AAMDC: variants seen among roughly 807,000 people sequenced by gnomAD.
The protein encoded by AAMDC is mth938 domain-containing protein.
In AAMDC, 16 loss-of-function variants were observed where a neutral mutation model predicts 15.5. That is an observed-to-expected ratio of 1.03 (90% CI 0.70 to 1.57). The LOEUF is 1.57. Among genes scored for constraint, AAMDC ranks in the 40% most tolerant of loss-of-function variants. AAMDC has a pLI of 0.00. For synonymous variants in AAMDC, 51 were observed against 51.6 expected, an observed-to-expected ratio of 0.99 and a Z score of 0.05; for missense variants, 141 against 144.9, an observed-to-expected ratio of 0.97 and a Z score of 0.14.
chr11:77,842,612 G>A lies in AAMDC; in HGVS notation c.116G>A (p.Arg39Lys). 4 of 1,613,928 alleles carry A rather than the reference G, an allele frequency of 2.5e-6. No homozygotes were observed. Among genetic ancestry groups the A allele is most frequent in the Non-Finnish European group, 3.4e-6 (4 of 1,179,922 alleles). Residue 39 changes from arginine (R) to lysine (K), a missense_variant, in exon 2 of 4, where the codon AGA becomes AAA. Arg to Lys is a conservative substitution (Grantham distance 26). Coordinates refer to ENST00000393427, the MANE Select transcript of AAMDC (RefSeq NM_024684.4). ...WPGGSRTWDW[R>K]ETGTEHSPGV... ...GGGGGTAGTCGGACTTGGGATTGGA[G>A]AGAAACAGGAACTGAGGTAAGATAT...
chr11:77,829,025 G>C (rs1949302688), intron 1 of AAMDC, among the ~76,000 whole-genome samples: 1 of 152,216 alleles, frequency 6.6e-6, no homozygotes, highest in African/African-American at 2.4e-5. Context: ...GCATATGACA[G>C]ACTGTGTCTC....
At chr11:77,835,287 G>A (rs987802927) in intron 1 of AAMDC, among the ~76,000 whole-genome samples, 2 of 152,246 alleles carry the variant, frequency 1.3e-5, no homozygotes, top group South Asian at 2.1e-4. Flanking sequence ...ACATGGATGT[G>A]ATCGCCAGAG....
chr11:77,846,827 A>G (rs1016636373), intron 2 of AAMDC, among the ~76,000 whole-genome samples: 1 of 152,272 alleles, frequency 6.6e-6, no homozygotes, highest in Middle Eastern at 3.4e-3. Context: ...TTGTATTCTA[A>G]GTTGACAATT....
chr11:77,828,004 T>G (rs981025942), intron 1 of AAMDC, among the ~76,000 whole-genome samples: 3 of 152,188 alleles, frequency 2.0e-5, no homozygotes, highest in East Asian at 3.8e-4. Context: ...CCAGGCACAG[T>G]GGCTCCTGCC....
chr11:77,847,599 C>G (rs913059671), intron 2 of AAMDC, among the ~76,000 whole-genome samples: 47 of 152,228 alleles, frequency 3.1e-4, no homozygotes, highest in African/African-American at 6.0e-4. Context: ...GAATAAGAAG[C>G]CTTAAATCAT....
At chr11:77,878,604 T>C (rs1197830660) in intron 5 of AAMDC, 1 of 575,770 alleles carries the variant, frequency 1.7e-6, no homozygotes, top group African/African-American at 1.9e-5. Flanking sequence ...TAACCAGTTA[T>C]CAGGAGGTAA....
rs544348261 is a variant in AAMDC at position 77,888,922 on chromosome 11, T to A, written c.329-11649T>A. On this transcript the variant is annotated intron_variant, in intron 5 of 5. Coordinates refer to the AAMDC transcript ENST00000304716. ...ATGGCTATCATTAAAAAGTCAGGAA[T>A]CAACACGTGCTGGAGAGGATGTGGA... Among the ~76,000 whole-genome samples, 685 of 152,170 alleles carry A rather than the reference T, an allele frequency of 4.5e-3. 2 individuals carry two copies. Among genetic ancestry groups the A allele is most frequent in the Non-Finnish European group, 7.7e-3 (524 of 68,016 alleles).
intron 5 of AAMDC, among the ~76,000 whole-genome samples, chr11:77,879,871 C>G (rs1042264119): frequency 1.3e-5 from 2 of 152,034 alleles, no homozygotes; most frequent in Non-Finnish European, 2.9e-5. Flanking sequence ...CATTCTATGC[C>G]AAACAGTTAA....
intron 1 of AAMDC, chr11:77,841,138 C>G: frequency 1.4e-6 from 1 of 696,438 alleles, no homozygotes; most frequent in South Asian, 1.5e-5. Flanking sequence ...CCATACTTGT[C>G]CTTTTATAAT....
At chr11:77,831,692 A>T (rs1239263150) in intron 1 of AAMDC, among the ~76,000 whole-genome samples, 11 of 142,474 alleles carry the variant, frequency 7.7e-5, no homozygotes, top group Admixed American at 3.0e-4. Context: ...TTACTTAGGT[A>T]TCTTTTTTTT....
chr11:77,850,980 G>T (rs1290487544), intron 2 of AAMDC: 1 of 127,712 alleles, frequency 7.8e-6, no homozygotes, highest in Non-Finnish European at 1.6e-5. Context: ...TTTTGAGATG[G>T]AGTCTCGCTC....
downstream of AAMDC, chr11:77,900,782 G>A (rs1952755843): frequency 3.4e-6 from 2 of 591,858 alleles, no homozygotes; most frequent in Admixed American, 3.0e-5. Context: ...AATGAAATGT[G>A]GCAATTCCAG....
At chr11:77,880,559 G>A (rs1478892751) in intron 5 of AAMDC, among the ~76,000 whole-genome samples, 1 of 152,138 alleles carries the variant, frequency 6.6e-6, no homozygotes, top group Non-Finnish European at 1.5e-5. Flanking sequence ...ACTTAGGGTG[G>A]AATCAAAATA....
intron 1 of AAMDC, among the ~76,000 whole-genome samples, chr11:77,825,521 A>G (rs2136036099): frequency 6.6e-6 from 1 of 152,106 alleles, no homozygotes; most frequent in Middle Eastern, 3.4e-3. Context: ...AGGAATCTCT[A>G]CTCTTTGAGA....
intron 5 of AAMDC, among the ~76,000 whole-genome samples, chr11:77,883,576 C>T (rs1013527114): frequency 1.6e-4 from 25 of 152,088 alleles, no homozygotes; most frequent in Non-Finnish European, 1.5e-5. Flanking sequence ...TTCCATGAGA[C>T]TCCATTCTAT....
chr11:77,826,281 G>T, intron 1 of AAMDC, among the ~76,000 whole-genome samples: 1 of 151,744 alleles, frequency 6.6e-6, no homozygotes, highest in East Asian at 1.9e-4. Context: ...AGAATCACTT[G>T]AACCCAGGAG....
At chr11:77,881,201 T>C (rs1178754582) in intron 5 of AAMDC, among the ~76,000 whole-genome samples, 1 of 152,224 alleles carries the variant, frequency 6.6e-6, no homozygotes, top group Non-Finnish European at 1.5e-5. Context: ...AGGTTTATAT[T>C]CTTATTCTCA....
At chr11:77,832,951 ATGTGTGTGTG>A (rs146936151) in intron 1 of AAMDC, among the ~76,000 whole-genome samples, 4,326 of 68,240 alleles carry the variant, frequency 0.063, 514 homozygotes, top group African/African-American at 0.18. Flanking sequence ...GTATATATAT[ATGTGTGTGTG>A]TGTGTGTGTG....
rs1363678618 is a variant in AAMDC, at chr11:77,872,158, C to G, written c.229-17C>G. ...GGCCTTTCCCCCTACTTACTCATCT[C>G]TTTTCCACCTTCCCAGGTGCCTTCA... On this transcript the variant is annotated splice_polypyrimidine_tract_variant and intron_variant, in intron 3 of 3. Coordinates refer to ENST00000393427, the MANE Select transcript of AAMDC (RefSeq NM_024684.4). 2 of 1,609,278 alleles carry G rather than the reference C, an allele frequency of 1.2e-6. No homozygotes were observed. Among genetic ancestry groups the G allele is most frequent in the Non-Finnish European group, 1.7e-6 (2 of 1,178,054 alleles).
Sources: gnomAD v4.1 joint callset for allele counts (sites outside exome capture counted in the v4.1 genomes callset) on GRCh38, gnomAD v4.1.1 for gene constraint, MANE v1.5 for transcripts, NCBI Gene and HGNC (gene_info 2026-07-23, HGNC 2026-07-21) for gene names.